Variants in NEBL observed in about 807,000 individuals in gnomAD.
NEBL encodes the protein nebulette, also known as LIM and SH3 protein 2.
NEBL carries 122 observed loss-of-function variants against 140.2 expected under a neutral mutation model. That is an observed-to-expected ratio of 0.87 (90% CI 0.75 to 1.01). The LOEUF (loss-of-function observed/expected upper bound fraction) is 1.01. NEBL is among the 50% of genes least tolerant of loss of function. The pLI, the probability that NEBL is intolerant of heterozygous loss-of-function variation, is 0.00. For missense variants in NEBL, 1,365 were observed against 1,231.3 expected (o/e 1.11, Z -1.62); for synonymous variants, 436 against 398.9 (o/e 1.09, Z -1.11).
rs778464499 is a variant in NEBL, at chr10:21,173,967, GGC to G, written c.-136_-135del. On this transcript the variant is annotated 5_prime_UTR_variant, in exon 1 of 7. Transcript: ENST00000417816. The surrounding 1 kb of genome is among the most constrained non-coding windows in gnomAD (Gnocchi z 5.7). ...GGCGGCGGGCGCCGGGTAGGGAGTCGGCGCCGGGCCACGGGTGAGTGCACGGG... is the reference window on the plus strand; with the variant it reads ...GGCGGCGGGCGCCGGGTAGGGAGTCGGCCGGGCCACGGGTGAGTGCACGGG... 0.012 allele frequency: 15,810 copies of G among 1,357,608 alleles called. 108 individuals carry two copies. The highest frequency in any genetic ancestry group is 0.014 in the Non-Finnish European group (14,605 of 1,064,970). 84.1% of individuals were successfully genotyped at this position (1,357,608 alleles called of 1,614,324 possible).
intron 26 of NEBL, among the ~76,000 whole-genome samples, chr10:20,802,057 A>G (rs1234628624): frequency 1.3e-5 from 2 of 152,198 alleles, no homozygotes; most frequent in Non-Finnish European, 2.9e-5. Context: ...TTTCCGGAGG[A>G]AAACAGAAAC....
chr10:20,816,734 C>T (rs553518743), intron 21 of NEBL, among the ~76,000 whole-genome samples: 103 of 152,258 alleles, frequency 6.8e-4, no homozygotes, highest in African/African-American at 2.2e-3. Flanking sequence ...TGAACTGCAT[C>T]CGTGAATTAT....
chr10:20,811,022 G>T (rs1838086361), intron 24 of NEBL, among the ~76,000 whole-genome samples: 1 of 152,132 alleles, frequency 6.6e-6, no homozygotes, highest in Non-Finnish European at 1.5e-5. Flanking sequence ...GCACAAATTG[G>T]CTTAATCTGA....
chr10:21,033,706 C>T (rs774839689), intron 2 of NEBL, among the ~76,000 whole-genome samples: 2 of 149,820 alleles, frequency 1.3e-5, no homozygotes, highest in Non-Finnish European at 3.0e-5. Context: ...CACCACTGCA[C>T]TCCAGCCTGG....
intron 3 of NEBL, among the ~76,000 whole-genome samples, chr10:21,200,444 G>T (rs571036760): frequency 5.3e-5 from 8 of 149,584 alleles, no homozygotes; most frequent in Non-Finnish European, 8.9e-5. Flanking sequence ...CTCCTGAGTA[G>T]CTGGGACTAC....
chr10:21,012,300 G>C (rs1343472780), intron 3 of NEBL, among the ~76,000 whole-genome samples: 4 of 152,110 alleles, frequency 2.6e-5, no homozygotes, highest in Non-Finnish European at 4.4e-5. Flanking sequence ...CAGGATGGCA[G>C]AGCATGATTT....
At chr10:21,001,277 C>T (rs757428887) in intron 3 of NEBL, among the ~76,000 whole-genome samples, 14 of 152,114 alleles carry the variant, frequency 9.2e-5, no homozygotes, top group Non-Finnish European at 1.9e-4. Flanking sequence ...AGAGGAAAAT[C>T]GGCAAGTAAA....
intron 2 of NEBL, among the ~76,000 whole-genome samples, chr10:20,894,669 C>G (rs1847295844): frequency 6.6e-6 from 1 of 150,648 alleles, no homozygotes; most frequent in Non-Finnish European, 1.5e-5. Flanking sequence ...AATCCCAGCA[C>G]TTTGGGAGGC....
intron 4 of NEBL, among the ~76,000 whole-genome samples, chr10:20,932,946 T>C (rs1834268150): frequency 6.6e-6 from 1 of 152,250 alleles, no homozygotes; most frequent in Non-Finnish European, 1.5e-5. Context: ...TAAATATTAA[T>C]GTGTACAAAT....
At chr10:21,117,372 C>T (rs1838333039) in intron 2 of NEBL, among the ~76,000 whole-genome samples, 1 of 152,144 alleles carries the variant, frequency 6.6e-6, no homozygotes, top group Non-Finnish European at 1.5e-5. Context: ...CCTCTCTGTT[C>T]TCCTAACCTT....
chr10:20,785,810 G>A lies in NEBL; in HGVS notation c.2982C>T (p.Gly994=), dbSNP rs1351608465. ...VQPIDDGWMY[G]TVQRTGRTGM... The stretch of plus-strand genomic sequence containing the variant: ...CTGTTCTCCCTGTTCTCTGCACTGT[G>A]CCGTACATCCAGCCATCGTCAATAG... The change falls in exon 28 of 28, where the codon GGC becomes GGT. Residue 994 remains glycine (G), a synonymous_variant. Coordinates refer to ENST00000377122, the MANE Select transcript of NEBL (RefSeq NM_006393.3). 1 of 1,614,070 alleles carries A rather than the reference G, an allele frequency of 6.2e-7. No homozygotes were observed. Among genetic ancestry groups the A allele is most frequent in the East Asian group, 2.2e-5 (1 of 44,870 alleles).
chr10:20,856,050 T>C (rs1052293289), intron 9 of NEBL, among the ~76,000 whole-genome samples: 3 of 152,224 alleles, frequency 2.0e-5, no homozygotes, highest in Non-Finnish European at 4.4e-5. Flanking sequence ...TACAGCTTTA[T>C]ACAATGTACA....
intron 2 of NEBL, among the ~76,000 whole-genome samples, chr10:21,137,595 C>T (rs542595377): frequency 6.6e-6 from 1 of 152,248 alleles, no homozygotes; most frequent in South Asian, 2.1e-4. Context: ...GAGGTTACTA[C>T]CTCCTTGGCC....
At chr10:21,227,700 T>TC (rs1564545990) in intron 3 of NEBL, among the ~76,000 whole-genome samples, 17 of 83,472 alleles carry the variant, frequency 2.0e-4, no homozygotes, top group African/African-American at 9.4e-4. Flanking sequence ...TTCTTCTTCT[T>TC]CTTCTTCTTC....
rs569541665 is a variant in NEBL, at chr10:21,061,386, AT to A, written c.165-41186del. Reference sequence around the variant, plus strand: ...GGGTCAGATTTATGTTTTATATCATATATCATATATTACATGGTACATGATA... The same window carrying A: ...GGGTCAGATTTATGTTTTATATCATAATCATATATTACATGGTACATGATA... On this transcript the variant is annotated intron_variant, in intron 2 of 6. Transcript: ENST00000417816. Among the ~76,000 whole-genome samples the A allele has an allele frequency of 2.2e-3, 315 of 145,756 alleles. 3 individuals carry two copies. The highest frequency in any genetic ancestry group is 7.7e-3 in the African/African-American group (305 of 39,802).
chr10:20,958,429 G>T (rs887178795), intron 4 of NEBL, among the ~76,000 whole-genome samples: 12 of 152,098 alleles, frequency 7.9e-5, no homozygotes, highest in Non-Finnish European at 1.5e-5. Context: ...TGGCTGTCAG[G>T]TTTCATTCTA....
chr10:21,290,621 CA>C (rs1460283734), intron 1 of NEBL, among the ~76,000 whole-genome samples: 1 of 152,094 alleles, frequency 6.6e-6, no homozygotes, highest in African/African-American at 2.4e-5. Context: ...AGGGTAACTC[CA>C]AAAGATTATT....
intron 4 of NEBL, among the ~76,000 whole-genome samples, chr10:20,904,518 A>G (rs1848008639): frequency 1.3e-5 from 2 of 152,226 alleles, no homozygotes. Flanking sequence ...GCATTACTGG[A>G]GAAAGCCCAC....
At chr10:20,897,985 T>C (rs1484163286), upstream of NEBL, among the ~76,000 whole-genome samples, 1 of 151,966 alleles carries the variant, frequency 6.6e-6, no homozygotes, top group Non-Finnish European at 1.5e-5. Flanking sequence ...TCTGGAAACA[T>C]CGTTTCAAAA....
Sources: allele counts gnomAD v4.1 joint callset (sites outside exome capture counted in the v4.1 genomes callset), GRCh38; gene constraint gnomAD v4.1.1; non-coding constraint Gnocchi (gnomAD v3.1); transcripts MANE v1.5; gene names NCBI Gene and HGNC (gene_info 2026-07-23, HGNC 2026-07-21).